The following ZFHX3 variants were observed in gnomAD, a reference collection of about 807,000 sequenced individuals.
ZFHX3 encodes zinc finger homeobox protein 3.
Under a neutral mutation model 279.1 loss-of-function variants are expected in ZFHX3, and 42 were observed. The observed-to-expected ratio is 0.15, with a 90% CI of 0.12 to 0.19. ZFHX3 has a LOEUF of 0.19. ZFHX3 is among the 10% of genes least tolerant of loss of function. The pLI is 1.00. For missense variants in ZFHX3, 4,981 were observed against 4,754.0 expected (o/e 1.05, Z -1.40); for synonymous variants, 2,293 against 1,957.8 (o/e 1.17, Z -4.52).
chr16:72,816,895 T>C lies in ZFHX3; in HGVS notation c.3530-4857A>G, dbSNP rs141988978. ...GAGACACCAACTTCCAGATATCCTTTGATTTTATCATATTTGTTTTAGAAG... is the reference window on the plus strand; with the variant it reads ...GAGACACCAACTTCCAGATATCCTTCGATTTTATCATATTTGTTTTAGAAG... On this transcript the variant is annotated intron_variant, in intron 5 of 9. Coordinates refer to ENST00000268489, the MANE Select transcript of ZFHX3 (RefSeq NM_006885.4). Among the ~76,000 whole-genome samples the C allele has an allele frequency of 4.4e-3, 670 of 152,356 alleles. 4 individuals are homozygous for C. The highest frequency in any genetic ancestry group is 0.015 in the African/African-American group (636 of 41,574).
rs779286744 is a variant in ZFHX3, at chr16:72,797,958, C to T, written c.4724G>A (p.Arg1575Lys). Residue 1575 changes from arginine (R) to lysine (K), a missense_variant, in exon 9 of 10, where the codon AGA (arginine) becomes AAA (lysine). Arg to Lys is a conservative substitution (Grantham distance 26, BLOSUM62 2). Transcript: ENST00000268489. ...ACCGGTTGCTGATTCTTGAAGGGCT[C>T]TCTTTAACTTATGCAGGTGGGAGAC... ...NSVSHLHKLK[R>K]ALQESATGQP... The T allele has an allele frequency of 2.4e-5, 38 of 1,614,052 alleles. No individual in the cohort carries two copies. The South Asian group carries it at 3.8e-4, about 16-fold the overall frequency.
In ZFHX3 at chr16:72,958,832, C is replaced by A. The variant is rs8046150; in HGVS notation, c.1314G>T (p.Ala438=). The change falls in exon 2 of 10, where the codon GCG becomes GCT. Residue 438 remains alanine (A), a synonymous_variant. Coordinates refer to ENST00000268489, the MANE Select transcript of ZFHX3 (RefSeq NM_006885.4). ...CCACTTCCTGCTTCTCTCCTTCTGC[C>A]GCCCCAGAGTCCTTGCCCTCTGAGG... The part of the protein sequence containing the change: ...TKSSEGKDSG[A]AEGEKQEVGD... The A allele has an allele frequency of 8.4e-4, 1,357 of 1,614,120 alleles. 18 individuals carry two copies. In the African/African-American group the frequency reaches 0.016, roughly 20 times the overall value.
At position 73,682,991 on chromosome 16, in the gene ZFHX3, A is replaced by AAAGAAAGAAAGAAAGAAAG. The variant is rs1555532226; in HGVS notation, c.-1607-2752_-1607-2751insCTTTCTTTCTTTCTTTCTT. Among the ~76,000 whole-genome samples the AAAGAAAGAAAGAAAGAAAG allele has an allele frequency of 4.0e-3, 168 of 42,416 alleles. 7 individuals are homozygous for AAAGAAAGAAAGAAAGAAAG. The highest frequency in any genetic ancestry group is 0.012 in the African/African-American group (160 of 13,238). The allele number at this position is 42,416 out of a possible 152,430, so 27.8% of individuals were successfully genotyped here. A position where few individuals can be genotyped will look rare whatever the true frequency, so the allele number is the denominator to read the frequency against. ...GAAAGAAAGAAAGAAAGAAAGAAAG[A>AAAGAAAGAAAGAAAGAAAG]AAAGAAAGAAAGAAAGAAAGAGAAA... On this transcript the variant is annotated intron_variant, in intron 1 of 17. Transcript: ENST00000641206.
intron 5 of ZFHX3, among the ~76,000 whole-genome samples, chr16:73,182,489 C>G (rs1228665679): frequency 6.6e-6 from 1 of 151,834 alleles, no homozygotes; most frequent in African/African-American, 2.4e-5. Context: ...ATGGAGATCT[C>G]AAATAACTAA....
chr16:73,055,678 ACGCGCGCGCGCG>A (rs141836776), intron 1 of ZFHX3, among the ~76,000 whole-genome samples: 22 of 117,380 alleles, frequency 1.9e-4, no homozygotes, highest in South Asian at 9.7e-4. Flanking sequence ...GTGCAGACGT[ACGCGCGCGCGCG>A]CGCGCGCGCA....
intron 7 of ZFHX3, among the ~76,000 whole-genome samples, chr16:73,108,076 G>A (rs1026003642): frequency 1.3e-5 from 2 of 152,156 alleles, no homozygotes; most frequent in African/African-American, 4.8e-5. Context: ...CAGGAGAATG[G>A]CATGAACCCA....
chr16:73,570,356 G>C (rs2051720801), intron 2 of ZFHX3, among the ~76,000 whole-genome samples: 1 of 152,118 alleles, frequency 6.6e-6, no homozygotes, highest in African/African-American at 2.4e-5. Flanking sequence ...ACATGGGGAT[G>C]GTTTTCTCAT....
intron 1 of ZFHX3, among the ~76,000 whole-genome samples, chr16:73,865,823 CAA>C (rs57165743): frequency 7.2e-6 from 1 of 138,436 alleles, no homozygotes. Flanking sequence ...ACTAAAAATA[CAA>C]AAAAAAAAAA....
At chr16:73,316,008 G>A (rs995878646) in intron 4 of ZFHX3, among the ~76,000 whole-genome samples, 1 of 152,142 alleles carries the variant, frequency 6.6e-6, no homozygotes, top group African/African-American at 2.4e-5. Context: ...CTCTTAGTGG[G>A]GGTTGGAAAC....
chr16:73,278,915 C>A (rs547325545), intron 4 of ZFHX3, among the ~76,000 whole-genome samples: 2 of 152,200 alleles, frequency 1.3e-5, no homozygotes, highest in South Asian at 2.1e-4. Flanking sequence ...AGTCCCCTCT[C>A]GACCCAGGAA....
At position 72,796,157 on chromosome 16, in the gene ZFHX3, T is replaced by C; in HGVS notation, c.6525A>G (p.Ile2175Met). 6.2e-7 allele frequency: 1 copy of C among 1,614,156 alleles called. No homozygotes were observed. Among genetic ancestry groups the C allele is most frequent in the Non-Finnish European group, 8.5e-7 (1 of 1,180,034 alleles). The change falls in exon 9 of 10, where the codon ATA (isoleucine) becomes ATG (methionine). Residue 2175 changes from isoleucine (I) to methionine (M), a missense_variant. Physicochemically the swap from Ile to Met is conservative, Grantham distance 10 (BLOSUM62 1). Around this residue, in one of 7 missense-constraint regions of ZFHX3, gnomAD observed 177 missense variants for 244.2 expected, o/e 0.72. Transcript: ENST00000268489. Reference protein sequence around the residue: ...DINNSPSEEQIKEMADKSGLP... With the variant: ...DINNSPSEEQMKEMADKSGLP... ...ACCCGGACTTGTCTGCCATCTCTTT[T>C]ATTTGCTCTTCACTGGGGGAGTTGT...
chr16:73,483,005 A>T (rs1032483547), intron 2 of ZFHX3, among the ~76,000 whole-genome samples: 1 of 152,248 alleles, frequency 6.6e-6, no homozygotes, highest in African/African-American at 2.4e-5. Flanking sequence ...AAAGAGAGAG[A>T]GCTTCGTAGC....
chr16:73,286,625 G>C (rs539374475), intron 4 of ZFHX3, among the ~76,000 whole-genome samples: 3 of 151,500 alleles, frequency 2.0e-5, no homozygotes, highest in African/African-American at 7.3e-5. Context: ...GGGTGTGTGG[G>C]TCTGTGTGTA....
intron 3 of ZFHX3, among the ~76,000 whole-genome samples, chr16:73,447,750 T>C (rs966560536): frequency 6.6e-6 from 1 of 151,898 alleles, no homozygotes; most frequent in East Asian, 1.9e-4. Context: ...AGAATTTATT[T>C]AATATCTGTT....
At chr16:72,841,657 C>T (rs572339569) in intron 4 of ZFHX3, among the ~76,000 whole-genome samples, 14 of 152,270 alleles carry the variant, frequency 9.2e-5, no homozygotes, top group South Asian at 8.3e-4. Flanking sequence ...CTCAAATCTC[C>T]CACAGCTACT....
intron 3 of ZFHX3, among the ~76,000 whole-genome samples, chr16:72,901,925 T>C (rs2039047277): frequency 6.6e-6 from 1 of 152,184 alleles, no homozygotes; most frequent in African/African-American, 2.4e-5. Context: ...CACCCCCTTT[T>C]TAAGTCTCAT....
intron 4 of ZFHX3, among the ~76,000 whole-genome samples, chr16:72,844,691 C>T (rs902376734): frequency 6.6e-6 from 1 of 152,094 alleles, no homozygotes; most frequent in Non-Finnish European, 1.5e-5. Flanking sequence ...AGGACATTGG[C>T]TTAGAGGTCG....
intron 9 of ZFHX3, among the ~76,000 whole-genome samples, chr16:72,792,796 A>T (rs1308473703): frequency 6.6e-6 from 1 of 152,112 alleles, no homozygotes; most frequent in Non-Finnish European, 1.5e-5. Context: ...GAAGGCAGGG[A>T]CCCCAGGTGA....
chr16:72,797,898 G>A lies in ZFHX3; in HGVS notation c.4784C>T (p.Pro1595Leu), dbSNP rs769073387. ...PEPTSSPDNK[P>L]FKCNTCNVAY... is the part of the protein sequence containing the mutation. ...CACATTACAAGTGTTACACTTAAAA[G>A]GTTTGTTGTCTGGGCTGCTGGTGGG... The change falls in exon 9 of 10, where the codon CCT becomes CTT. Residue 1595 changes from proline to leucine, a missense_variant. Physicochemically the swap from Pro to Leu is moderately conservative, Grantham distance 98 (BLOSUM62 -3). This residue lies in a region of ZFHX3 where 1,751 missense variants were observed against 1,770.0 expected (regional missense o/e 0.99). Transcript: ENST00000268489. The A allele has an allele frequency of 4.3e-6, 7 of 1,614,182 alleles. No individual in the cohort carries two copies. Among genetic ancestry groups the A allele is most frequent in the East Asian group, 2.2e-5 (1 of 44,876 alleles).
Sources: gnomAD v4.1 joint callset for allele counts (sites outside exome capture counted in the v4.1 genomes callset) on GRCh38, gnomAD v4.1.1 for gene constraint, gnomAD v4.1.1 regional missense constraint, MANE v1.5 for transcripts, NCBI Gene and HGNC (gene_info 2026-07-23, HGNC 2026-07-21) for gene names.